Variants in RGS3 observed in about 807,000 individuals in gnomAD.
RGS3 encodes the protein regulator of G protein signaling 3.
Under a neutral mutation model 132.6 loss-of-function variants are expected in RGS3, and 80 were observed. The observed-to-expected ratio is 0.60, with a 90% confidence interval of 0.50 to 0.73. RGS3 has a LOEUF of 0.73. Ranked by LOEUF, RGS3 falls within the 30% of genes least tolerant of loss-of-function variation. RGS3 has a pLI of 0.00. For missense variants in RGS3, 1,382 were observed against 1,530.8 expected (o/e 0.90, Z 1.62); for synonymous variants, 598 against 620.6 (o/e 0.96, Z 0.54).
At chr9:113,543,579 G>T (rs1018149218) in intron 19 of RGS3, among the ~76,000 whole-genome samples, 5 of 152,230 alleles carry the variant, frequency 3.3e-5, no homozygotes, top group Non-Finnish European at 7.3e-5. Flanking sequence ...GCTGCACTTT[G>T]ATTTCATTTG....
Position 113,565,492 on chromosome 9 carries a change from T to A in RGS3, c.2038-17958T>A. On this transcript the variant is annotated intron_variant, in intron 19 of 24. Transcript: ENST00000350696. The surrounding 1 kb of genome is among the most constrained non-coding windows in gnomAD (Gnocchi z 5.7). Reference sequence around the variant, plus strand: ...CCTAGATGTGGGAGGTGGAACCTGGTCATTTGGTTCTGCTTTTCCTAGCAG... The same window carrying A: ...CCTAGATGTGGGAGGTGGAACCTGGACATTTGGTTCTGCTTTTCCTAGCAG... 1 of 763,078 alleles carries A rather than the reference T, an allele frequency of 1.3e-6. No homozygotes were observed. Among genetic ancestry groups the A allele is most frequent in the East Asian group, 6.6e-5 (1 of 15,176 alleles). 47.3% of individuals were successfully genotyped at this position (763,078 alleles called of 1,614,324 possible).
intron 3 of RGS3, among the ~76,000 whole-genome samples, chr9:113,477,721 T>C (rs1830037490): frequency 6.6e-6 from 1 of 152,152 alleles, no homozygotes; most frequent in African/African-American, 2.4e-5. Context: ...GTTGGCTTAA[T>C]ATAAGATGCA....
intron 1 of RGS3, among the ~76,000 whole-genome samples, chr9:113,460,965 G>A (rs545441047): frequency 3.9e-5 from 6 of 152,190 alleles, no homozygotes; most frequent in African/African-American, 1.4e-4. Context: ...ATATGCATAT[G>A]GTATATATGT....
chr9:113,594,074 C>T (rs1272034615), intron 21 of RGS3: 2 of 1,612,954 alleles, frequency 1.2e-6, no homozygotes, highest in Admixed American at 1.7e-5. Context: ...CTGGTCCCTC[C>T]CATTTCCTGG....
chr9:113,548,486 T>C (rs1588234522), intron 19 of RGS3, among the ~76,000 whole-genome samples: 1 of 152,246 alleles, frequency 6.6e-6, no homozygotes, highest in Non-Finnish European at 1.5e-5. Context: ...GCTGGAGTGG[T>C]GGAGACACTC....
chr9:113,573,520 C>T lies in RGS3; in HGVS notation c.2038-9930C>T, dbSNP rs1834378359. Among the ~76,000 whole-genome samples, 2 of 152,244 alleles carry T rather than the reference C, an allele frequency of 1.3e-5. 1 individual carries two copies. The highest frequency in any genetic ancestry group is 4.1e-4 in the South Asian group (2 of 4,834). ...TGGGATTCACCCCCAGGCCCTCCTG[C>T]TTCCAAAGGCTGACCTCATGACTGC... is the stretch of plus-strand genomic sequence containing the variant. On this transcript the variant is annotated intron_variant, in intron 19 of 24. Coordinates refer to ENST00000350696, the Ensembl canonical transcript of RGS3.
chr9:113,503,914 T>A (rs1299439890), intron 10 of RGS3, among the ~76,000 whole-genome samples: 2 of 152,176 alleles, frequency 1.3e-5, no homozygotes, highest in African/African-American at 2.4e-5. Flanking sequence ...TTTCTTTCTT[T>A]CCATTTTTTT....
At chr9:113,588,784 A>G (rs1257476768) in intron 20 of RGS3, among the ~76,000 whole-genome samples, 1 of 152,242 alleles carries the variant, frequency 6.6e-6, no homozygotes, top group Non-Finnish European at 1.5e-5. Context: ...TAACTTACAT[A>G]ATCCTCACCA....
At chr9:113,526,616 G>A (rs961751534) in intron 17 of RGS3, among the ~76,000 whole-genome samples, 2 of 152,106 alleles carry the variant, frequency 1.3e-5, no homozygotes, top group Non-Finnish European at 2.9e-5. Flanking sequence ...CAGCGAAGGG[G>A]GTTTGCTTAA....
At chr9:113,587,179 C>T (rs12348214) in intron 20 of RGS3, among the ~76,000 whole-genome samples, 10,938 of 151,262 alleles carry the variant, frequency 0.072, 528 homozygotes, top group Non-Finnish European at 0.096. Flanking sequence ...ATTGTCTAGT[C>T]AGTCCTCTGT....
rs1564499896 is a variant in RGS3 at position 113,506,162 on chromosome 9, T to TAAGCCAGCAGTAGGGGAGGC, written c.980-221_980-202dup. Among the ~76,000 whole-genome samples, 4 of 150,458 alleles carry TAAGCCAGCAGTAGGGGAGGC rather than the reference T, an allele frequency of 2.7e-5. No individual in the cohort carries two copies. The highest frequency in any genetic ancestry group is 9.8e-5 in the African/African-American group (4 of 40,770). ...AGAGGTAAGCCAGCAGTAGGGGAGG[T>TAAGCCAGCAGTAGGGGAGGC]AAGCCAGCAGTAGGGGAGGCAAGCA... On this transcript the variant is annotated intron_variant, in intron 11 of 24. Transcript: ENST00000350696. The surrounding 1 kb of genome is among the most constrained non-coding windows in gnomAD (Gnocchi z 4.7).
chr9:113,595,744 C>T (rs762420517), exon 24 of RGS3: 8 of 1,614,044 alleles, frequency 5.0e-6, no homozygotes, highest in Middle Eastern at 1.7e-4. Context: ...CTGAATACAT[C>T]GCGATCCAGG....
chr9:113,546,365 A>G (rs1833115982), intron 19 of RGS3, among the ~76,000 whole-genome samples: 1 of 152,082 alleles, frequency 6.6e-6, no homozygotes, highest in African/African-American at 2.4e-5. Flanking sequence ...CCTTAGCACA[A>G]TTCATCCTTA....
At chr9:113,530,655 A>G (rs1832427266) in intron 18 of RGS3, among the ~76,000 whole-genome samples, 2 of 152,238 alleles carry the variant, frequency 1.3e-5, no homozygotes, top group Non-Finnish European at 1.5e-5. Context: ...GTTTTTTCCC[A>G]GAGAAAAGGA....
intron 14 of RGS3, among the ~76,000 whole-genome samples, chr9:113,510,997 G>T (rs1054801943): frequency 6.6e-6 from 1 of 152,196 alleles, no homozygotes; most frequent in African/African-American, 2.4e-5. Context: ...CTCTGGCTGG[G>T]CTGCCAAGAG....
chr9:113,591,579 G>T lies in RGS3; in HGVS notation c.3080+182G>T. 1 of 603,328 alleles carries T rather than the reference G, an allele frequency of 1.7e-6. No individual in the cohort carries two copies. The allele number at this position is 603,328 out of a possible 1,614,324, so 37.4% of individuals were successfully genotyped here. A position where few individuals can be genotyped will look rare whatever the true frequency, so the allele number is the denominator to read the frequency against. On this transcript the variant is annotated intron_variant, in intron 21 of 24. Transcript: ENST00000350696. This position sits in a 1 kb window ranked among gnomAD's most constrained non-coding sequence, Gnocchi z 4.4. Reference sequence around the variant, plus strand: ...CAGTGACCCCAAAGTGGGGTCACCTGGGTCCTGAGCATTCTCTCCAAGTGA... The same window carrying T: ...CAGTGACCCCAAAGTGGGGTCACCTTGGTCCTGAGCATTCTCTCCAAGTGA...
At chr9:113,545,786 C>G (rs776748847) in intron 19 of RGS3, among the ~76,000 whole-genome samples, 48 of 152,170 alleles carry the variant, frequency 3.2e-4, no homozygotes, top group Non-Finnish European at 6.2e-4. Context: ...CTCATCTAAT[C>G]CTCATGCAGA....
At chr9:113,562,861 T>A (rs1833850376) in intron 19 of RGS3, among the ~76,000 whole-genome samples, 1 of 152,204 alleles carries the variant, frequency 6.6e-6, no homozygotes, top group African/African-American at 2.4e-5. Flanking sequence ...TGGGCCTCAG[T>A]TTCACTGACT....
intron 21 of RGS3, chr9:113,593,028 G>C (rs1564622993): frequency 6.6e-6 from 1 of 152,320 alleles, no homozygotes; most frequent in East Asian, 1.9e-4. Flanking sequence ...CAAGAAAGTG[G>C]TGGGGTTGGG....
Sources: allele counts gnomAD v4.1 joint callset (sites outside exome capture counted in the v4.1 genomes callset), GRCh38; gene constraint gnomAD v4.1.1; non-coding constraint Gnocchi (gnomAD v3.1); transcripts MANE v1.5; gene names NCBI Gene and HGNC (gene_info 2026-07-23, HGNC 2026-07-21).